DPH6: variants seen among roughly 807,000 people sequenced by gnomAD.
The protein encoded by DPH6 is diphthamine biosynthesis 6, also known as diphthine--ammonia ligase.
Under a neutral mutation model 38.2 loss-of-function variants are expected in DPH6, and 33 were observed. The observed-to-expected ratio is 0.86, with a 90% CI of 0.65 to 1.15. The LOEUF (loss-of-function observed/expected upper bound fraction) is 1.15. Ranked by LOEUF, DPH6 falls within the 50% of genes most tolerant of loss-of-function variation. The probability of loss-of-function intolerance (pLI) is 0.00; values close to 1 mark genes in which losing one functional copy is unlikely to be tolerated. For missense variants in DPH6, 325 were observed against 320.0 expected (o/e 1.02, Z -0.12); for synonymous variants, 108 against 103.0 (o/e 1.05, Z -0.30).
chr15:35,277,424 T>C (rs111358084), intron 3 of DPH6, among the ~76,000 whole-genome samples: 157 of 152,252 alleles, frequency 1.0e-3, no homozygotes, highest in African/African-American at 3.7e-3. Context: ...TTTCCCCCTC[T>C]TGTCTGACTG....
Position 35,362,470 on chromosome 15 carries a change from G to A in DPH6, n.207+11051C>T, listed in dbSNP as rs1393573803. Among the ~76,000 whole-genome samples, 9 of 152,268 alleles carry A rather than the reference G, an allele frequency of 5.9e-5. No homozygotes were observed. In the East Asian group the frequency reaches 1.7e-3, roughly 29 times the overall value. On this transcript the variant is annotated intron_variant and non_coding_transcript_variant, in intron 3 of 3. Transcript: ENST00000558973. ...CCCTCCTGTGGGAGAAACTGAGTTG[G>A]TCACTTTAACCCAAATGTGGCAAGC...
At chr15:35,214,433 C>G (rs1160346688), downstream of DPH6, among the ~76,000 whole-genome samples, 1 of 152,138 alleles carries the variant, frequency 6.6e-6, no homozygotes, top group Non-Finnish European at 1.5e-5. Flanking sequence ...TTATGTTGCT[C>G]AGGCCCAAAA....
At chr15:35,280,263 GA>G (rs2140435313) in intron 3 of DPH6, among the ~76,000 whole-genome samples, 1 of 152,298 alleles carries the variant, frequency 6.6e-6, no homozygotes, top group East Asian at 1.9e-4. Flanking sequence ...TTGATGTTCT[GA>G]AAGATAGCAC....
chr15:35,283,653 A>T (rs147867515), intron 3 of DPH6, among the ~76,000 whole-genome samples: 203 of 152,218 alleles, frequency 1.3e-3, no homozygotes, highest in Admixed American at 2.0e-3. Flanking sequence ...AGGGTCCTCT[A>T]GAATCCTATC....
chr15:35,460,015 T>C lies in DPH6; in HGVS notation c.313-5195A>G, dbSNP rs190932400. Among the ~76,000 whole-genome samples, 66 of 152,266 alleles carry C rather than the reference T, an allele frequency of 4.3e-4. 2 individuals carry two copies. The East Asian group carries it at 0.012, about 27-fold the overall frequency. On this transcript the variant is annotated intron_variant, in intron 3 of 8. Transcript: ENST00000256538. ...TAAATAAAACACCAAGCCTTTAAAT[T>C]AAGGACCATCTACCAACCACAGCTG...
Position 35,381,834 on chromosome 15 carries a change from T to C in DPH6, c.650A>G (p.Lys217Arg). ...AATGATATCTTACACAATTATTTTC[T>C]TCTTAAATAGAGGGCAATCCAAAGT... ...TFTLDCPLFK[K>R]KIIVDSSEVV... The change falls in exon 7 of 9, where the codon AAG becomes AGG. Residue 217 changes from lysine to arginine, a missense_variant. Lys to Arg is a conservative substitution (Grantham distance 26). Coordinates refer to ENST00000256538, the MANE Select transcript of DPH6 (RefSeq NM_080650.4). 1 of 1,611,436 alleles carries C rather than the reference T, an allele frequency of 6.2e-7. No individual in the cohort carries two copies. The highest frequency in any genetic ancestry group is 8.5e-7 in the Non-Finnish European group (1 of 1,177,690).
chr15:35,294,641 A>G (rs959166527), intron 3 of DPH6, among the ~76,000 whole-genome samples: 3 of 152,182 alleles, frequency 2.0e-5, no homozygotes, highest in African/African-American at 7.2e-5. Context: ...CACACTATAT[A>G]CTGTGCTTGA....
chr15:35,169,446 A>T, the DPH6 span, among the ~76,000 whole-genome samples: 1 of 152,178 alleles, frequency 6.6e-6, no homozygotes, highest in African/African-American at 2.4e-5. Context: ...ATTTATTAGT[A>T]TAGTCTCTGT....
Position 35,419,600 on chromosome 15 carries a change from T to A in DPH6, c.506-8704A>T, listed in dbSNP as rs1051474124. On this transcript the variant is annotated intron_variant, in intron 5 of 8. Transcript: ENST00000256538. ...TTATAGACTAAAGGAATAATAATAA[T>A]AAAAAAGATATTCCATGCAAATAGA... 1.1e-4 allele frequency among the ~76,000 whole-genome samples: 16 copies of A among 151,916 alleles called. 2 individuals are homozygous for A. Among genetic ancestry groups the A allele is most frequent in the East Asian group, 5.8e-4 (3 of 5,174 alleles).
chr15:35,202,976 T>G, the DPH6 span, among the ~76,000 whole-genome samples: 3 of 151,684 alleles, frequency 2.0e-5, no homozygotes, highest in East Asian at 5.8e-4. Context: ...CTTACAGTGC[T>G]CAAATAAAAA....
At chr15:35,425,569 T>C (rs1216234800) in intron 5 of DPH6, among the ~76,000 whole-genome samples, 4 of 151,260 alleles carry the variant, frequency 2.6e-5, no homozygotes, top group Admixed American at 6.6e-5. Flanking sequence ...AATTACGATA[T>C]AGTGCATATT....
the DPH6 span, among the ~76,000 whole-genome samples, chr15:35,150,873 A>C: frequency 6.6e-6 from 1 of 152,216 alleles, no homozygotes; most frequent in Admixed American, 6.5e-5. Context: ...ATCGAAATAA[A>C]AACAAAGGGT....
chr15:35,201,293 G>T, the DPH6 span, among the ~76,000 whole-genome samples: 2 of 151,552 alleles, frequency 1.3e-5, no homozygotes, highest in African/African-American at 4.8e-5. Context: ...TTGGTTCATA[G>T]AAATACTGGG....
intron 3 of DPH6, among the ~76,000 whole-genome samples, chr15:35,286,609 A>G (rs1157067700): frequency 6.6e-6 from 1 of 152,238 alleles, no homozygotes; most frequent in Non-Finnish European, 1.5e-5. Flanking sequence ...ATCTAGAGTA[A>G]AAGAATTGTA....
the DPH6 span, among the ~76,000 whole-genome samples, chr15:35,147,208 T>C: frequency 6.6e-6 from 1 of 152,128 alleles, no homozygotes; most frequent in African/African-American, 2.4e-5. Flanking sequence ...ATGAGGAAAT[T>C]GAGGAGCAGG....
intron 3 of DPH6, among the ~76,000 whole-genome samples, chr15:35,277,901 C>A (rs562117014): frequency 2.0e-5 from 3 of 152,110 alleles, no homozygotes; most frequent in South Asian, 4.1e-4. Context: ...AAGAGCCTAT[C>A]ATCAGATACA....
intron 3 of DPH6, chr15:35,298,631 C>A: frequency 9.7e-7 from 1 of 1,029,786 alleles, no homozygotes. Context: ...GATCTTGCCA[C>A]CAAGCTTGCT....
chr15:35,242,452 G>C (rs1311001070), intron 3 of DPH6, among the ~76,000 whole-genome samples: 1 of 142,920 alleles, frequency 7.0e-6, no homozygotes, highest in African/African-American at 2.5e-5. Flanking sequence ...ACTTTTAGAG[G>C]CCTTTCCTAC....
At position 35,542,492 on chromosome 15, in the gene DPH6, G is replaced by C. The variant is rs761088772; in HGVS notation, c.39C>G (p.Ser13Arg). Reference protein sequence around the residue: ...VAALISGGKDSCYNMMQCIAA... With the variant: ...VAALISGGKDRCYNMMQCIAA... ...CAATGCACTGCATCATATTATAGCA[G>C]CTGTCCTTCCCACCACTAAACAATA... is the stretch of plus-strand genomic sequence containing the variant. The change falls in exon 2 of 9, where the codon AGC becomes AGG. Residue 13 changes from serine to arginine, a missense_variant. Ser to Arg is a moderately radical substitution (Grantham distance 110). Coordinates refer to ENST00000256538, the MANE Select transcript of DPH6 (RefSeq NM_080650.4). The C allele has an allele frequency of 1.3e-6, 2 of 1,557,686 alleles. No individual in the cohort carries two copies. Among genetic ancestry groups the C allele is most frequent in the South Asian group, 2.3e-5 (2 of 85,598 alleles).
Sources: allele counts gnomAD v4.1 joint callset (sites outside exome capture counted in the v4.1 genomes callset), GRCh38; gene constraint gnomAD v4.1.1; transcripts MANE v1.5; gene names NCBI Gene and HGNC (gene_info 2026-07-23, HGNC 2026-07-21).